ZMYM3: variants seen among roughly 807,000 people sequenced by gnomAD.
The protein encoded by ZMYM3 is zinc finger MYM-type protein 3.
ZMYM3 carries 6 observed loss-of-function variants against 94.2 expected under a neutral mutation model. That is an observed-to-expected ratio of 0.06 (90% CI 0.03 to 0.13). ZMYM3 has a LOEUF of 0.13. ZMYM3 is among the 10% of genes least tolerant of loss of function. ZMYM3 has a pLI of 1.00. For missense variants in ZMYM3, 664 were observed against 1,132.6 expected, an observed-to-expected ratio of 0.59 and a Z score of 5.94; for synonymous variants, 420 against 426.5, an observed-to-expected ratio of 0.98 and a Z score of 0.19.
chrX:71,244,556 C>T lies in ZMYM3; in HGVS notation c.3112-86G>A, dbSNP rs138327110. On this transcript the variant is annotated intron_variant, in intron 19 of 24. Coordinates refer to ENST00000314425, the MANE Select transcript of ZMYM3 (RefSeq NM_201599.3). ...AGTCAGCACCATATTTACTGCTGGC[C>T]GGGGCAGGGGCTGATGTAAGCACAC... 659 of 1,069,048 alleles carry T rather than the reference C, an allele frequency of 6.2e-4. 1 individual carries two copies. In the East Asian group the frequency reaches 0.018, roughly 30 times the overall value. 88.1% of individuals were successfully genotyped at this position (1,069,048 alleles called of 1,213,427 possible).
In ZMYM3 at chrX:71,251,571, T is replaced by TTCTCAC. The variant is rs1264808769; in HGVS notation, c.692_697dup (p.Ser231_Glu232dup). ...CCTCCCCCTCACCCGTTCAGGCGGC[T>TTCTCAC]TCTCACTCGCCTTCGCAGTCAGGCC... On this transcript the variant is annotated inframe_insertion, in exon 3 of 25. Coordinates refer to ENST00000314425, the MANE Select transcript of ZMYM3 (RefSeq NM_201599.3). 8.4e-7 allele frequency: 1 copy of TTCTCAC among 1,193,942 alleles called. No individual in the cohort carries two copies. The highest frequency in any genetic ancestry group is 2.3e-5 in the Admixed American group (1 of 44,306).
Position 71,248,810 on chromosome X carries a change from TAGAG to T in ZMYM3, c.1622-13_1622-10del. 1 of 1,174,324 alleles carries T rather than the reference TAGAG, an allele frequency of 8.5e-7. No individual in the cohort carries two copies. The highest frequency in any genetic ancestry group is 1.1e-6 in the Non-Finnish European group (1 of 871,286). ...GCAGGGTCGGGGAGGGCCTGGGGCA[TAGAG>T]AGAAAGAGAGAGAGGAAAAGAGAAA... On this transcript the variant is annotated splice_polypyrimidine_tract_variant and intron_variant, in intron 8 of 24. Coordinates refer to ENST00000314425, the MANE Select transcript of ZMYM3 (RefSeq NM_201599.3).
In ZMYM3 at chrX:71,241,290, C is replaced by T. The variant is rs776654559; in HGVS notation, c.3857G>A (p.Arg1286His). The T allele has an allele frequency of 4.1e-6, 5 of 1,208,536 alleles. No individual in the cohort carries two copies. Among genetic ancestry groups the T allele is most frequent in the South Asian group, 3.5e-5 (2 of 56,384 alleles). The change falls in exon 24 of 25, where the codon CGT becomes CAT. Residue 1286 changes from arginine to histidine, a missense_variant. Transcript: ENST00000314425. ...REDEAPILEQRENRMNPLRCP... is the reference protein window; with the variant it reads ...REDEAPILEQHENRMNPLRCP... ...GCGGAGGGGATTCATGCGGTTCTCA[C>T]GCTGCTCTAAGATAGGGGCTTCATC...
chrX:71,243,151 GAAGCC>G (rs770274385), intron 21 of ZMYM3, 67 bp from the exon 22 acceptor site: 1 of 908,001 alleles, frequency 1.1e-6, no homozygotes, highest in African/African-American at 2.0e-5. Flanking sequence ...TAATGATGCT[GAAGCC>G]CCCAGGTATG....
chrX:71,248,335 G>A lies in ZMYM3; in HGVS notation c.1825-23C>T, dbSNP rs866135910. 9.2e-6 allele frequency: 11 copies of A among 1,194,848 alleles called. No individual in the cohort carries two copies. The Middle Eastern group carries it at 7.0e-4, about 76-fold the overall frequency. ...GTCCTGAGGTGGGGGCACAGGGCAGGGAGGACAAGCTGTAACATCTGGCCC... is the reference window on the plus strand; with the variant it reads ...GTCCTGAGGTGGGGGCACAGGGCAGAGAGGACAAGCTGTAACATCTGGCCC... On this transcript the variant is annotated intron_variant, in intron 10 of 24. Coordinates refer to ENST00000314425, the MANE Select transcript of ZMYM3 (RefSeq NM_201599.3).
intron 23 of ZMYM3, 150 bp downstream of exon 23, chrX:71,242,020 C>G: frequency 1.3e-6 from 1 of 791,576 alleles, no homozygotes. Flanking sequence ...GGAGGACTGG[C>G]TGTTTCTACC....
intron 2 of ZMYM3, 21 bp from the exon 3 acceptor site, chrX:71,251,622 A>G (rs1309084422): frequency 1.7e-6 from 2 of 1,178,656 alleles, no homozygotes; most frequent in East Asian, 6.3e-5. Flanking sequence ...AGCAGAAGGC[A>G]GCCTAAATGT....
intron 13 of ZMYM3, among the ~76,000 whole-genome samples, chrX:71,247,077 A>C (rs2030211483): frequency 9.0e-6 from 1 of 111,165 alleles, no homozygotes; most frequent in Admixed American, 9.6e-5. Context: ...CATAACCCCT[A>C]TATGCTCCAT....
At position 71,248,229 on chromosome X, in the gene ZMYM3, A is replaced by G. The variant is rs1377425153; in HGVS notation, c.1908T>C (p.Cys636=). Residue 636 remains cysteine, a synonymous_variant, in exon 11 of 25, where the codon TGT becomes TGC. Transcript: ENST00000314425. ...TCTCATGCAAGAGTTTCTCCTGCCGACAGTGCTCACACTGGGACACCACAC... is the reference window on the plus strand; with the variant it reads ...TCTCATGCAAGAGTTTCTCCTGCCGGCAGTGCTCACACTGGGACACCACAC... ...LRGVVSQCEH[C]RQEKLLHEKL... 3 of 1,208,327 alleles carry G rather than the reference A, an allele frequency of 2.5e-6. No individual in the cohort carries two copies. The highest frequency in any genetic ancestry group is 3.4e-6 in the Non-Finnish European group (3 of 894,313).
Position 71,240,763 on chromosome X carries a change from A to G in ZMYM3, c.*153T>C. ...AGTGGTACGGAAGAAGATAAAAGCC[A>G]GGGTTCCTAGAGAAGGCAGGGAATG... On this transcript the variant is annotated 3_prime_UTR_variant, in exon 25 of 25. Transcript: ENST00000314425. 1.9e-6 allele frequency: 1 copy of G among 537,790 alleles called. No individual in the cohort carries two copies. Among genetic ancestry groups the G allele is most frequent in the East Asian group, 3.6e-5 (1 of 27,909 alleles). The allele number at this position is 537,790 out of a possible 1,213,427, so 44.3% of individuals were successfully genotyped here.
At chrX:71,245,040 A>G in intron 18 of ZMYM3, 147 bp from the exon 19 acceptor site, 1 of 512,748 alleles carries the variant, frequency 2.0e-6, no homozygotes, top group South Asian at 3.6e-5. Context: ...TCAGAGGCAC[A>G]GAAACGCAAA....
At position 71,250,085 on chromosome X, in the gene ZMYM3, G is replaced by A. The variant is rs2030382289; in HGVS notation, c.1192C>T (p.Pro398Ser). 1.7e-6 allele frequency: 2 copies of A among 1,203,394 alleles called. No individual in the cohort carries two copies. Among genetic ancestry groups the A allele is most frequent in the Non-Finnish European group, 2.2e-6 (2 of 892,483 alleles). The stretch of plus-strand genomic sequence containing the variant: ...GCGTCGGCGGGATCCCCAGACTGGG[G>A]GATCGGGCGCTGCTGCTGGGCCTCA... ...LYEAQQQRPI[P>S]QSGDPADATR... Residue 398 changes from proline to serine, a missense_variant, in exon 6 of 25, where the codon CCC becomes TCC. By Grantham distance (74) the Pro-to-Ser change is moderately conservative (BLOSUM62 -1). Transcript: ENST00000314425.
intron 2 of ZMYM3, 49 bp from the exon 3 acceptor site, chrX:71,251,650 C>T (rs946320305): frequency 6.2e-6 from 7 of 1,121,313 alleles, no homozygotes; most frequent in Non-Finnish European, 8.2e-6. Context: ...GCCCTCACCA[C>T]CCTCTCCCCG....
At chrX:71,251,776 G>A (rs2030489024) in intron 2 of ZMYM3, 175 bp from the exon 3 acceptor site, 1 of 750,370 alleles carries the variant, frequency 1.3e-6, no homozygotes, top group African/African-American at 2.4e-5. Context: ...CTGTACTAAG[G>A]GTGGGGGGGT....
rs750569024 is a variant in ZMYM3, at chrX:71,250,179, C to T, written c.1098G>A (p.Ser366=). ...CKKEIWNTKD[S]VVAQTGSGGS... ...CTCCAGAACCAGTCTGCGCCACAAC[C>T]GAGTCCTTGGTGTTCCAGATCTCCC... The change falls in exon 6 of 25, where the codon TCG becomes TCA. Residue 366 remains serine, a synonymous_variant. Transcript: ENST00000314425. 22 of 1,187,253 alleles carry T rather than the reference C, an allele frequency of 1.9e-5. No individual in the cohort carries two copies. In the East Asian group the frequency reaches 2.7e-4, roughly 14 times the overall value.
intron 2 of ZMYM3, chrX:71,252,001 G>T: frequency 3.0e-6 from 1 of 338,359 alleles, no homozygotes; most frequent in Non-Finnish European, 3.8e-6. Context: ...GGTTATATAA[G>T]CCCTAAGACC....
Position 71,248,758 on chromosome X carries a change from G to T in ZMYM3, c.1665C>A (p.Asp555Glu). ...PCSFCRRSLSDPCYYNKVDRT... is the reference protein window; with the variant it reads ...PCSFCRRSLSEPCYYNKVDRT... Reference sequence around the variant, plus strand: ...GGTCAACCTTGTTGTAGTAACAGGGGTCAGAGAGGCTGCGGCGGCAGAAGC... The same window carrying T: ...GGTCAACCTTGTTGTAGTAACAGGGTTCAGAGAGGCTGCGGCGGCAGAAGC... Residue 555 changes from aspartate to glutamate, a missense_variant, in exon 9 of 25, where the codon GAC (aspartate) becomes GAA (glutamate). Asp to Glu is a conservative substitution (Grantham distance 45). Coordinates refer to ENST00000314425, the MANE Select transcript of ZMYM3 (RefSeq NM_201599.3). 2 of 1,208,968 alleles carry T rather than the reference G, an allele frequency of 1.7e-6. No homozygotes were observed. The highest frequency in any genetic ancestry group is 2.2e-6 in the Non-Finnish European group (2 of 894,192).
At chrX:71,251,421 A>G in intron 3 of ZMYM3, 137 bp downstream of exon 3, 1 of 937,287 alleles carries the variant, frequency 1.1e-6, no homozygotes, top group Non-Finnish European at 1.5e-6. Context: ...CAAGCAGTAG[A>G]CACTAGTGCT....
Position 71,249,132 on chromosome X carries a change from G to T in ZMYM3, c.1508C>A (p.Thr503Asn). The change falls in exon 8 of 25, where the codon ACC becomes AAC. Residue 503 changes from threonine (T) to asparagine (N), a missense_variant. Physicochemically the swap from Thr to Asn is moderately conservative, Grantham distance 65. Around this residue, in one of 9 missense-constraint regions of ZMYM3, gnomAD observed 159 missense variants for 313.0 expected, o/e 0.51. Transcript: ENST00000314425. ...TRVYPCVWCK[T>N]LCKNFEMLSH... is the part of the protein sequence containing the mutation. Reference sequence around the variant, plus strand: ...TAGCATCTCAAAGTTCTTACACAGGGTCTTGCACCAGACACATGGGTACAC... The same window carrying T: ...TAGCATCTCAAAGTTCTTACACAGGTTCTTGCACCAGACACATGGGTACAC... 1 of 1,211,963 alleles carries T rather than the reference G, an allele frequency of 8.3e-7. No homozygotes were observed. The highest frequency in any genetic ancestry group is 1.1e-6 in the Non-Finnish European group (1 of 895,581).
Sources: gnomAD v4.1 joint callset for allele counts (sites outside exome capture counted in the v4.1 genomes callset) on GRCh38, gnomAD v4.1.1 for gene constraint, gnomAD v4.1.1 regional missense constraint, MANE v1.5 for transcripts, NCBI Gene and HGNC (gene_info 2026-07-23, HGNC 2026-07-21) for gene names.